The following KIF3A variants were observed in gnomAD, a reference collection of about 807,000 sequenced individuals.
The protein encoded by KIF3A is kinesin family member 3A, also known as kinesin-like protein KIF3A.
In KIF3A, 27 loss-of-function variants were observed where a neutral mutation model predicts 92.6. That is an observed-to-expected ratio of 0.29 (90% CI 0.21 to 0.40). The LOEUF (loss-of-function observed/expected upper bound fraction) is 0.40, where lower values mean the gene tolerates loss of function less well. KIF3A is among the 10% of genes least tolerant of loss of function. The pLI, the probability that KIF3A is intolerant of heterozygous loss-of-function variation, is 1.00. For synonymous variants in KIF3A, 250 were observed against 275.4 expected, an observed-to-expected ratio of 0.91 and a Z score of 0.92; for missense variants, 581 against 872.6, an observed-to-expected ratio of 0.67 and a Z score of 4.21.
At chr5:132,713,889 CTTTTTTT>C (rs34191042) in intron 8 of KIF3A, among the ~76,000 whole-genome samples, 37 of 83,772 alleles carry the variant, frequency 4.4e-4, no homozygotes, top group African/African-American at 1.3e-3. Context: ...ATTTCACTTT[CTTTTTTT>C]TTTTTTTTTT....
At position 132,693,454 on chromosome 5, in the gene KIF3A, C is replaced by A. The variant is rs895145933; in HGVS notation, c.*3180G>T. On this transcript the variant is annotated 3_prime_UTR_variant, in exon 19 of 19. Transcript: ENST00000403231. Reference sequence around the variant, plus strand: ...TTAAATTAAAGGGAAAAGAGAATACCCATTCAATAACCTATTTATATATAT... The same window carrying A: ...TTAAATTAAAGGGAAAAGAGAATACACATTCAATAACCTATTTATATATAT... 1 of 152,502 alleles carries A rather than the reference C, an allele frequency of 6.6e-6. No homozygotes were observed. Among genetic ancestry groups the A allele is most frequent in the Non-Finnish European group, 1.5e-5 (1 of 67,976 alleles). The allele number at this position is 152,502 out of a possible 1,614,324, so 9.4% of individuals were successfully genotyped here.
In KIF3A at chr5:132,708,909, G is replaced by A; in HGVS notation, c.1298C>T (p.Pro433Leu). Residue 433 changes from proline to leucine, a missense_variant and splice_region_variant, in exon 10 of 19, where the codon CCT becomes CTT. Pro to Leu is a moderately conservative substitution (Grantham distance 98, BLOSUM62 -3). Around this residue, in one of 5 missense-constraint regions of KIF3A, gnomAD observed 167 missense variants for 205.8 expected, o/e 0.81. Coordinates refer to ENST00000403231, the MANE Select transcript of KIF3A (RefSeq NM_001300791.2). ...AGAATGTAAGAGCTACCACTCACTA[G>A]GCAAGAACTTATCCAGAGGTTTCTC... Reference protein sequence around the residue: ...VIEKPLDKFLPNQAGKKKVSP... With the variant: ...VIEKPLDKFLLNQAGKKKVSP... 6.5e-7 allele frequency: 1 copy of A among 1,547,740 alleles called. No individual in the cohort carries two copies. The highest frequency in any genetic ancestry group is 8.7e-7 in the Non-Finnish European group (1 of 1,144,472).
chr5:132,722,600 T>C (rs1433836913), intron 4 of KIF3A, among the ~76,000 whole-genome samples: 1 of 152,232 alleles, frequency 6.6e-6, no homozygotes, highest in African/African-American at 2.4e-5. Context: ...CTACTTATAA[T>C]TATCTGAGTC....
intron 11 of KIF3A, among the ~76,000 whole-genome samples, chr5:132,703,826 G>A (rs1000352929): frequency 6.6e-6 from 1 of 151,764 alleles, no homozygotes; most frequent in African/African-American, 2.4e-5. Flanking sequence ...AATTCAAACT[G>A]TTGTCCAATT....
intron 18 of KIF3A, chr5:132,697,804 C>A (rs1752888654): frequency 6.6e-6 from 1 of 152,334 alleles, no homozygotes; most frequent in South Asian, 2.1e-4. Flanking sequence ...CCCTCTATTT[C>A]CATAGATAAC....
At chr5:132,691,341 A>G (rs536777151), downstream of KIF3A, among the ~76,000 whole-genome samples, 4 of 152,174 alleles carry the variant, frequency 2.6e-5, no homozygotes, top group Non-Finnish European at 4.4e-5. Flanking sequence ...TGAGGTTGGG[A>G]GTTCGAGACG....
intron 11 of KIF3A, among the ~76,000 whole-genome samples, chr5:132,705,261 G>GT (rs1443678416): frequency 1.3e-5 from 2 of 151,926 alleles, no homozygotes; most frequent in African/African-American, 2.4e-5. Flanking sequence ...CAGGTATATA[G>GT]TAAGTATACG....
At chr5:132,734,138 T>C in intron 2 of KIF3A, 67 bp downstream of exon 2, 1 of 1,238,764 alleles carries the variant, frequency 8.1e-7, no homozygotes, top group Non-Finnish European at 1.1e-6. Context: ...AGCTGCAATA[T>C]GTGAATTTAT....
In KIF3A at chr5:132,706,451, C is replaced by T; in HGVS notation, c.1309G>A (p.Gly437Arg). Reference protein sequence around the residue: ...PLDKFLPNQAGKKKVSPDKMI... With the variant: ...PLDKFLPNQARKKKVSPDKMI... ...TGGAGTGCAAATCAATCACACCAAC[C>T]TGCTTGATCTTGCAATAAGAAGTAG... Residue 437 changes from glycine to arginine, a missense_variant and splice_region_variant, in exon 11 of 19, where the codon GGA becomes AGA. Gly to Arg is a moderately radical substitution (Grantham distance 125). Coordinates refer to ENST00000403231, the MANE Select transcript of KIF3A (RefSeq NM_001300791.2). The T allele has an allele frequency of 6.5e-7, 1 of 1,542,126 alleles. No individual in the cohort carries two copies. Among genetic ancestry groups the T allele is most frequent in the Non-Finnish European group, 8.7e-7 (1 of 1,143,156 alleles).
At chr5:132,710,530 C>T (rs1428385994) in intron 9 of KIF3A, among the ~76,000 whole-genome samples, 2 of 152,162 alleles carry the variant, frequency 1.3e-5, no homozygotes, top group Admixed American at 6.5e-5. Context: ...GCAGGAGAAT[C>T]GCTTCAACCT....
intron 12 of KIF3A, 44 bp downstream of exon 12, chr5:132,703,419 C>A: frequency 6.6e-7 from 1 of 1,512,860 alleles, no homozygotes; most frequent in Non-Finnish European, 9.0e-7. Flanking sequence ...TAGGAAAAAA[C>A]AGAAATTTAA....
chr5:132,715,690 G>T, intron 8 of KIF3A, 67 bp downstream of exon 8: 1 of 1,227,806 alleles, frequency 8.1e-7, no homozygotes, highest in Non-Finnish European at 1.2e-6. Context: ...GCTTTTGTTA[G>T]AACAGTTAGT....
Position 132,734,389 on chromosome 5 carries a change from G to A in KIF3A, c.96C>T (p.Cys32=). The change falls in exon 2 of 19, where the codon TGC becomes TGT. Residue 32 remains cysteine, a synonymous_variant. Transcript: ENST00000403231. ...CATCCACACTGACAGCCTGTTTGTA[G>A]CACATTGATTTCTCTCTCTCATTGA... ...RPLNEREKSM[C]YKQAVSVDEM... The A allele has an allele frequency of 6.2e-7, 1 of 1,614,126 alleles. No homozygotes were observed. The highest frequency in any genetic ancestry group is 8.5e-7 in the Non-Finnish European group (1 of 1,180,000).
At chr5:132,721,195 G>C (rs916488485) in intron 4 of KIF3A, among the ~76,000 whole-genome samples, 2 of 152,188 alleles carry the variant, frequency 1.3e-5, no homozygotes, top group African/African-American at 4.8e-5. Flanking sequence ...GGAAGACAGA[G>C]ACAAGTTTAG....
chr5:132,701,925 T>G (rs1455020035), intron 15 of KIF3A, among the ~76,000 whole-genome samples, 162 bp downstream of exon 15: 1 of 152,224 alleles, frequency 6.6e-6, no homozygotes, highest in Non-Finnish European at 1.5e-5. Context: ...ACAGAGATTA[T>G]GTATTAAAAG....
intron 10 of KIF3A, among the ~76,000 whole-genome samples, chr5:132,707,857 ATAAAT>A (rs1179035710): frequency 3.3e-5 from 5 of 152,356 alleles, no homozygotes; most frequent in South Asian, 4.1e-4. Flanking sequence ...TAAAATATAA[ATAAAT>A]TAAATTAAAT....
chr5:132,699,361 A>G, intron 17 of KIF3A, 66 bp from the exon 18 acceptor site: 1 of 1,524,498 alleles, frequency 6.6e-7, no homozygotes, highest in East Asian at 2.3e-5. Flanking sequence ...TTGGGGGAAG[A>G]TTTAAAATAC....
At chr5:132,730,886 G>A (rs1272851193) in intron 2 of KIF3A, among the ~76,000 whole-genome samples, 1 of 152,098 alleles carries the variant, frequency 6.6e-6, no homozygotes, top group Non-Finnish European at 1.5e-5. Flanking sequence ...TGGGAGGATT[G>A]CTTAAGGCCA....
At position 132,719,636 on chromosome 5, in the gene KIF3A, C is replaced by T. The variant is rs965240816; in HGVS notation, c.616+973G>A. Among the ~76,000 whole-genome samples the T allele has an allele frequency of 5.9e-5, 9 of 151,982 alleles. No individual in the cohort carries two copies. The East Asian group carries it at 1.7e-3, about 29-fold the overall frequency. On this transcript the variant is annotated intron_variant, in intron 5 of 18. Transcript: ENST00000403231. The stretch of plus-strand genomic sequence containing the variant: ...CCTCCCGAGTAACTGGGATTACAGG[C>T]ACCCACCACCACTCCCAGCTAATTT...
Sources: allele counts gnomAD v4.1 joint callset (sites outside exome capture counted in the v4.1 genomes callset), GRCh38; gene constraint gnomAD v4.1.1; regional missense constraint gnomAD v4.1.1; transcripts MANE v1.5; gene names NCBI Gene and HGNC (gene_info 2026-07-23, HGNC 2026-07-21).